Variants in MCC observed in about 807,000 individuals in gnomAD.
MCC encodes colorectal mutant cancer protein.
MCC carries 90 observed loss-of-function variants against 116.2 expected under a neutral mutation model. The observed-to-expected ratio is 0.77, with a 90% CI of 0.65 to 0.92. The LOEUF (loss-of-function observed/expected upper bound fraction) is 0.92. MCC is among the 40% of genes least tolerant of loss of function. The pLI is 0.00. For synonymous variants in MCC, 578 were observed against 510.5 expected (o/e 1.13, Z -1.78); for missense variants, 1,516 against 1,312.2 (o/e 1.16, Z -2.40).
intron 11 of MCC, among the ~76,000 whole-genome samples, chr5:113,075,651 C>A (rs375996651): frequency 6.6e-6 from 1 of 152,188 alleles, no homozygotes; most frequent in Non-Finnish European, 1.5e-5. Context: ...ACAGACCAAT[C>A]AGCTCTCTGT....
chr5:113,149,795 A>C (rs1389762800), intron 4 of MCC, among the ~76,000 whole-genome samples: 1 of 152,216 alleles, frequency 6.6e-6, no homozygotes, highest in Non-Finnish European at 1.5e-5. Flanking sequence ...GAACAACAAA[A>C]TACAAGCAGG....
At chr5:113,294,728 G>T in intron 3 of MCC, 1 of 1,002,310 alleles carries the variant, frequency 1.0e-6, no homozygotes, top group Non-Finnish European at 1.2e-6. Context: ...CCACTCCTAC[G>T]GTGCCTCGCC....
In MCC at chr5:113,121,981, G is replaced by C. The variant is rs144801738; in HGVS notation, c.1027+703C>G. 4.6e-3 allele frequency among the ~76,000 whole-genome samples: 705 copies of C among 152,298 alleles called. 6 individuals are homozygous for C. Among genetic ancestry groups the C allele is most frequent in the African/African-American group, 0.016 (676 of 41,566 alleles). ...TAACATTTTGACTGCAACCCAGTTA[G>C]AACATTCATTTGGCAACTTACTGCC... On this transcript the variant is annotated intron_variant, in intron 6 of 18. Transcript: ENST00000408903.
At chr5:113,117,661 C>T (rs1561368815) in intron 6 of MCC, among the ~76,000 whole-genome samples, 1 of 152,184 alleles carries the variant, frequency 6.6e-6, no homozygotes, top group Non-Finnish European at 1.5e-5. Context: ...GAAACAGTTG[C>T]TCCAGAAAAG....
intron 11 of MCC, among the ~76,000 whole-genome samples, chr5:113,075,672 A>C (rs1317850218): frequency 2.0e-5 from 3 of 152,100 alleles, no homozygotes; most frequent in Non-Finnish European, 4.4e-5. Flanking sequence ...AAAATGGACC[A>C]ATCAGCAGGA....
intron 1 of MCC, among the ~76,000 whole-genome samples, chr5:113,395,867 C>T (rs1253590603): frequency 6.6e-6 from 1 of 150,450 alleles, no homozygotes; most frequent in African/African-American, 2.5e-5. Flanking sequence ...CTCCATGGCC[C>T]ATGCAACTAC....
At chr5:113,409,379 T>A (rs867366117) in intron 1 of MCC, among the ~76,000 whole-genome samples, 20 of 151,894 alleles carry the variant, frequency 1.3e-4, no homozygotes, top group South Asian at 6.2e-4. Context: ...TTAGACAGGG[T>A]CTTGCTCTGT....
chr5:113,279,126 C>G (rs1765937760), intron 3 of MCC, among the ~76,000 whole-genome samples: 1 of 147,126 alleles, frequency 6.8e-6, no homozygotes, highest in African/African-American at 2.6e-5. Context: ...CCTCAGAACT[C>G]TCCACACAAC....
At chr5:113,391,351 TGAG>T (rs1769396594) in intron 1 of MCC, among the ~76,000 whole-genome samples, 1 of 152,080 alleles carries the variant, frequency 6.6e-6, no homozygotes, top group Non-Finnish European at 1.5e-5. Flanking sequence ...ATTGTGAGAA[TGAG>T]AAGTGGGGCT....
At chr5:113,290,269 A>G (rs1450391654) in intron 3 of MCC, among the ~76,000 whole-genome samples, 1 of 152,222 alleles carries the variant, frequency 6.6e-6, no homozygotes, top group African/African-American at 2.4e-5. Context: ...AAGATCTAAG[A>G]AGAAAGTAAG....
At chr5:113,458,383 G>A (rs900596145) in intron 1 of MCC, among the ~76,000 whole-genome samples, 4 of 150,966 alleles carry the variant, frequency 2.6e-5, no homozygotes, top group African/African-American at 9.8e-5. Context: ...TCACTCCTGA[G>A]CCAGCGGGAC....
At chr5:113,122,655 G>A (rs1310603280) in intron 6 of MCC, 29 bp downstream of exon 6, 3 of 1,607,786 alleles carry the variant, frequency 1.9e-6, no homozygotes, top group East Asian at 4.5e-5. Flanking sequence ...ACCAAACTCT[G>A]GCTTGGTGGC....
At chr5:113,276,951 G>A (rs1181248048) in intron 3 of MCC, among the ~76,000 whole-genome samples, 1 of 151,484 alleles carries the variant, frequency 6.6e-6, no homozygotes, top group African/African-American at 2.4e-5. Context: ...AAGGAATCAA[G>A]TTTTTAAAAA....
chr5:113,228,488 A>C (rs1403977903), intron 3 of MCC, among the ~76,000 whole-genome samples: 1 of 152,188 alleles, frequency 6.6e-6, no homozygotes, highest in Non-Finnish European at 1.5e-5. Flanking sequence ...AAGCCTGGGG[A>C]AAGTGTGGCT....
At chr5:113,285,218 G>A (rs1766203251) in intron 3 of MCC, among the ~76,000 whole-genome samples, 1 of 152,066 alleles carries the variant, frequency 6.6e-6, no homozygotes, top group Non-Finnish European at 1.5e-5. Flanking sequence ...CCAAAGGAGA[G>A]GCATCTGACG....
At position 113,143,305 on chromosome 5, in the gene MCC, A is replaced by T. The variant is rs373533265; in HGVS notation, c.797T>A (p.Leu266His). ...EHEDVQERTT[L>H]RYEERITELH... ...CTCTGTGATGCGTTCCTCATAGCGA[A>T]GTGTCGTTCGCTCCTGGACATCCTC... is the stretch of plus-strand genomic sequence containing the variant. The change falls in exon 5 of 19, where the codon CTT (leucine) becomes CAT (histidine). Residue 266 changes from leucine (L) to histidine (H), a missense_variant. Physicochemically the swap from Leu to His is moderately conservative, Grantham distance 99. Transcript: ENST00000408903. 2 of 1,613,948 alleles carry T rather than the reference A, an allele frequency of 1.2e-6. No individual in the cohort carries two copies. Among genetic ancestry groups the T allele is most frequent in the South Asian group, 1.1e-5 (1 of 91,040 alleles).
rs373527369 is a variant in MCC at position 113,391,052 on chromosome 5, C to T, written c.171-5840G>A. On this transcript the variant is annotated intron_variant, in intron 1 of 18. Coordinates refer to ENST00000408903, the MANE Select transcript of MCC (RefSeq NM_001085377.2). Reference sequence around the variant, plus strand: ...GTAATTTCTGTGTACAGCTGTTGAACGGAATAAATGCATTTGCCTTTCTTT... The same window carrying T: ...GTAATTTCTGTGTACAGCTGTTGAATGGAATAAATGCATTTGCCTTTCTTT... Among the ~76,000 whole-genome samples the T allele has an allele frequency of 6.0e-4, 91 of 152,144 alleles. 1 individual carries two copies. In the South Asian group the frequency reaches 0.015, roughly 25 times the overall value.
intron 4 of MCC, among the ~76,000 whole-genome samples, chr5:113,150,567 T>C (rs79406686): frequency 0.12 from 18,075 of 151,586 alleles, 1,407 homozygotes; most frequent in African/African-American, 0.22. Flanking sequence ...ATTTCAGTAA[T>C]GATGACTACA....
intron 3 of MCC, among the ~76,000 whole-genome samples, chr5:113,238,339 A>C (rs1336445207): frequency 1.3e-5 from 2 of 152,210 alleles, no homozygotes; most frequent in Non-Finnish European, 2.9e-5. Context: ...TGCCACCTAA[A>C]AAAATCACTA....
Sources: allele counts gnomAD v4.1 joint callset (sites outside exome capture counted in the v4.1 genomes callset), GRCh38; gene constraint gnomAD v4.1.1; transcripts MANE v1.5; gene names NCBI Gene and HGNC (gene_info 2026-07-23, HGNC 2026-07-21).